EPS15: variants seen among roughly 807,000 people sequenced by gnomAD.
EPS15 encodes the protein epidermal growth factor receptor substrate 15.
Under a neutral mutation model 113.8 loss-of-function variants are expected in EPS15, and 72 were observed. The observed-to-expected ratio is 0.63, with a 90% CI of 0.52 to 0.77. The LOEUF is 0.77. Among genes scored for constraint, EPS15 ranks in the 30% least tolerant of loss-of-function variants. EPS15 has a pLI of 0.00. For synonymous variants in EPS15, 344 were observed against 363.4 expected (o/e 0.95, Z 0.61); for missense variants, 1,048 against 1,045.8 (o/e 1.00, Z -0.03).
intron 1 of EPS15, among the ~76,000 whole-genome samples, chr1:51,512,351 G>T (rs538611725): frequency 6.6e-6 from 1 of 152,170 alleles, no homozygotes; most frequent in South Asian, 2.1e-4. Context: ...GGGCAGAACA[G>T]GTGTGCTCTT....
intron 8 of EPS15, chr1:51,458,975 C>T (rs1257483832): frequency 6.5e-6 from 1 of 153,382 alleles, no homozygotes; most frequent in African/African-American, 2.4e-5. Context: ...TTTGTCACCA[C>T]CGCGAGGGAG....
chr1:51,372,062 G>A (rs1646669671), intron 21 of EPS15, among the ~76,000 whole-genome samples: 1 of 152,204 alleles, frequency 6.6e-6, no homozygotes, highest in Non-Finnish European at 1.5e-5. Context: ...GGTTGTGTCA[G>A]TACACTTTCT....
At chr1:51,371,364 C>T (rs1465657758) in intron 21 of EPS15, among the ~76,000 whole-genome samples, 1 of 152,148 alleles carries the variant, frequency 6.6e-6, no homozygotes, top group African/African-American at 2.4e-5. Flanking sequence ...CCCCAAAGAC[C>T]TTCCAGGGGG....
At chr1:51,508,276 GAGAGAAAGAGAGAA>G (rs1557536744) in intron 1 of EPS15, among the ~76,000 whole-genome samples, 1 of 133,768 alleles carries the variant, frequency 7.5e-6, no homozygotes, top group Non-Finnish European at 1.5e-5. Flanking sequence ...GAGAGAGAAA[GAGAGAAAGAGAGAA>G]AGAGAGAGAG....
At chr1:51,379,491 G>A (rs542806383) in intron 21 of EPS15, among the ~76,000 whole-genome samples, 1 of 151,922 alleles carries the variant, frequency 6.6e-6, no homozygotes, top group East Asian at 1.9e-4. Context: ...TATATTGAAG[G>A]GTTCGAAAAA....
rs1300605973 is a variant in EPS15 at position 51,467,120 on chromosome 1, AT to A, written c.309+1352del. On this transcript the variant is annotated intron_variant, in intron 5 of 24. Transcript: ENST00000371733. The stretch of plus-strand genomic sequence containing the variant: ...TCACTCCATAAAACCAAAAGGATAA[AT>A]TTAAAATTACATACTGTCACCTATC... Among the ~76,000 whole-genome samples the A allele has an allele frequency of 9.8e-5, 15 of 152,342 alleles. No individual in the cohort carries two copies. The East Asian group carries it at 2.7e-3, about 27-fold the overall frequency.
intron 21 of EPS15, among the ~76,000 whole-genome samples, chr1:51,388,856 C>G (rs570011605): frequency 1.3e-5 from 2 of 152,140 alleles, no homozygotes; most frequent in South Asian, 2.1e-4. Context: ...AGTCCAGGAC[C>G]AGATGGATTC....
At chr1:51,409,438 C>T (rs1649480663) in intron 14 of EPS15, 97 bp downstream of exon 14, 1 of 1,193,612 alleles carries the variant, frequency 8.4e-7, no homozygotes, top group Admixed American at 2.5e-5. Context: ...TTGCCAACCA[C>T]CACCATCAAT....
chr1:51,367,881 C>T (rs1646542575), intron 21 of EPS15, among the ~76,000 whole-genome samples: 1 of 152,218 alleles, frequency 6.6e-6, no homozygotes, highest in Admixed American at 6.5e-5. Flanking sequence ...CCTGTAATCC[C>T]GGCACTTTGG....
rs1010560599 is a variant in EPS15 at position 51,471,551 on chromosome 1, T to G, written c.213+139A>C. 9 of 661,352 alleles carry G rather than the reference T, an allele frequency of 1.4e-5. No individual in the cohort carries two copies. The Admixed American group carries it at 2.5e-4, about 18-fold the overall frequency. The allele number at this position is 661,352 out of a possible 1,614,324, so 41.0% of individuals were successfully genotyped here. Reference sequence around the variant, plus strand: ...ATTAACATCTAGTGATTGGAAATACTTTGTTACACACTTGCCCTAGGCAAA... The same window carrying G: ...ATTAACATCTAGTGATTGGAAATACGTTGTTACACACTTGCCCTAGGCAAA... On this transcript the variant is annotated intron_variant, in intron 4 of 24. Coordinates refer to ENST00000371733, the MANE Select transcript of EPS15 (RefSeq NM_001981.3).
chr1:51,517,494 T>C (rs1644744001), intron 1 of EPS15, among the ~76,000 whole-genome samples: 1 of 152,168 alleles, frequency 6.6e-6, no homozygotes, highest in African/African-American at 2.4e-5. Flanking sequence ...TGAGAAGCAA[T>C]TTTACGGAAG....
chr1:51,396,959 C>T (rs953161271), intron 20 of EPS15, among the ~76,000 whole-genome samples: 4 of 151,940 alleles, frequency 2.6e-5, no homozygotes, highest in Admixed American at 6.6e-5. Context: ...TGGCTCACTG[C>T]TGCCTTGACT....
intron 8 of EPS15, among the ~76,000 whole-genome samples, chr1:51,454,778 G>GT (rs1252269884): frequency 6.6e-6 from 1 of 152,194 alleles, no homozygotes; most frequent in Non-Finnish European, 1.5e-5. Flanking sequence ...AAAGTCTGGA[G>GT]TTAATAATGC....
intron 17 of EPS15, among the ~76,000 whole-genome samples, chr1:51,403,211 C>G (rs567172720): frequency 4.8e-4 from 73 of 152,186 alleles, no homozygotes; most frequent in Non-Finnish European, 8.8e-4. Flanking sequence ...CTATTAAGAA[C>G]ATTTATTTAT....
chr1:51,436,878 T>C (rs1652191784), intron 12 of EPS15, among the ~76,000 whole-genome samples: 1 of 152,106 alleles, frequency 6.6e-6, no homozygotes, highest in Admixed American at 6.6e-5. Context: ...AATTAGGGAA[T>C]TCATATCCTA....
chr1:51,429,732 C>T (rs1286011253), intron 12 of EPS15, among the ~76,000 whole-genome samples: 2 of 151,194 alleles, frequency 1.3e-5, no homozygotes, highest in African/African-American at 4.9e-5. Context: ...CTCACTGCAA[C>T]CTCTGCCTCC....
rs78520199 is a variant in EPS15, at chr1:51,468,027, C to T, written c.309+446G>A. ...AAGCTGGAGAGCAACGGTGTGATCA[C>T]GGCTCATTGCAGCCTTGAGCTCCCA... On this transcript the variant is annotated intron_variant, in intron 5 of 24. Transcript: ENST00000371733. Among the ~76,000 whole-genome samples the T allele has an allele frequency of 7.1e-3, 1,080 of 152,214 alleles. 7 individuals are homozygous for T. Among genetic ancestry groups the T allele is most frequent in the African/African-American group, 0.025 (1,036 of 41,532 alleles).
intron 21 of EPS15, among the ~76,000 whole-genome samples, chr1:51,381,098 A>G (rs1472930528): frequency 6.8e-6 from 1 of 146,454 alleles, no homozygotes; most frequent in Non-Finnish European, 1.5e-5. Flanking sequence ...TGGAGACTTC[A>G]ATATCTCACT....
chr1:51,420,293 CAA>C (rs1454865093), intron 13 of EPS15, among the ~76,000 whole-genome samples: 2 of 152,150 alleles, frequency 1.3e-5, no homozygotes, highest in African/African-American at 2.4e-5. Flanking sequence ...CTGAAGGAAA[CAA>C]TGTAAATTTC....
Sources: allele counts gnomAD v4.1 joint callset (sites outside exome capture counted in the v4.1 genomes callset), GRCh38; gene constraint gnomAD v4.1.1; transcripts MANE v1.5; gene names NCBI Gene and HGNC (gene_info 2026-07-23, HGNC 2026-07-21).